The following KCTD16 variants were observed in gnomAD, a reference collection of about 807,000 sequenced individuals.
The protein encoded by KCTD16 is BTB/POZ domain-containing protein KCTD16.
Under a neutral mutation model 33.2 loss-of-function variants are expected in KCTD16, and 13 were observed. That is an observed-to-expected ratio of 0.39 (90% CI 0.25 to 0.62). The LOEUF is 0.62. Among genes scored for constraint, KCTD16 ranks in the 20% least tolerant of loss-of-function variants. The pLI is 0.50. For missense variants in KCTD16, 441 were observed against 525.1 expected, an observed-to-expected ratio of 0.84 and a Z score of 1.57; for synonymous variants, 197 against 195.3, an observed-to-expected ratio of 1.01 and a Z score of -0.07.
chr5:144,463,816 T>C (rs1469480422), intron 3 of KCTD16, among the ~76,000 whole-genome samples: 1 of 152,212 alleles, frequency 6.6e-6, no homozygotes, highest in Non-Finnish European at 1.5e-5. Context: ...TAGAACACAA[T>C]TGACATGTAG....
chr5:144,382,172 A>C (rs1311576985), intron 3 of KCTD16, among the ~76,000 whole-genome samples: 1 of 152,134 alleles, frequency 6.6e-6, no homozygotes, highest in African/African-American at 2.4e-5. Context: ...ACATATTCTC[A>C]CTTATACGTG....
chr5:144,223,287 T>A (rs1041187408), intron 3 of KCTD16, among the ~76,000 whole-genome samples: 1 of 152,140 alleles, frequency 6.6e-6, no homozygotes, highest in African/African-American at 2.4e-5. Flanking sequence ...GAACTTAAAG[T>A]ATAATAAAAA....
intron 3 of KCTD16, among the ~76,000 whole-genome samples, chr5:144,461,944 C>G (rs1027888297): frequency 6.6e-6 from 1 of 152,176 alleles, no homozygotes; most frequent in Non-Finnish European, 1.5e-5. Flanking sequence ...AGAACTTCCC[C>G]GCTCTCCAAA....
chr5:144,178,699 T>C (rs76671357), intron 2 of KCTD16, among the ~76,000 whole-genome samples: 1 of 152,234 alleles, frequency 6.6e-6, no homozygotes, highest in East Asian at 1.9e-4. Flanking sequence ...TTTGGAAAGA[T>C]TAACATCATT....
At chr5:144,387,508 G>GT (rs1752351062) in intron 3 of KCTD16, among the ~76,000 whole-genome samples, 1 of 152,236 alleles carries the variant, frequency 6.6e-6, no homozygotes, top group African/African-American at 2.4e-5. Context: ...ATTTTTCATT[G>GT]TAAGGAGTAA....
At chr5:144,175,547 T>C (rs6878569) in intron 2 of KCTD16, among the ~76,000 whole-genome samples, 9,434 of 152,292 alleles carry the variant, frequency 0.062, 846 homozygotes, top group African/African-American at 0.2. Context: ...GGGCAAATAA[T>C]ATTTAAACCT....
intron 3 of KCTD16, among the ~76,000 whole-genome samples, chr5:144,209,787 A>AATATAT (rs10628313): frequency 0.016 from 2,257 of 141,024 alleles, 48 homozygotes; most frequent in African/African-American, 0.052. Context: ...CTTAGGGGGA[A>AATATAT]ATATATATAT....
At chr5:144,223,630 G>T (rs1199167865) in intron 3 of KCTD16, among the ~76,000 whole-genome samples, 2 of 151,842 alleles carry the variant, frequency 1.3e-5, no homozygotes, top group African/African-American at 2.4e-5. Context: ...CTGGATGAAA[G>T]TGTGAAGTAC....
chr5:144,417,074 C>T (rs997163394), intron 3 of KCTD16, among the ~76,000 whole-genome samples: 12 of 152,136 alleles, frequency 7.9e-5, no homozygotes, highest in African/African-American at 2.9e-4. Flanking sequence ...AATAGCGCTG[C>T]TATCATCATG....
chr5:144,331,395 T>G (rs997657092), intron 3 of KCTD16, among the ~76,000 whole-genome samples: 15 of 152,218 alleles, frequency 9.9e-5, no homozygotes, highest in African/African-American at 3.6e-4. Flanking sequence ...GTCTTAGGTT[T>G]TATTAGCTCT....
At chr5:144,329,438 C>T (rs1370260216) in intron 3 of KCTD16, among the ~76,000 whole-genome samples, 1 of 152,042 alleles carries the variant, frequency 6.6e-6, no homozygotes, top group Non-Finnish European at 1.5e-5. Context: ...CCCACTAGAT[C>T]CCAACACCAT....
chr5:144,202,444 C>T (rs112984908), intron 2 of KCTD16, among the ~76,000 whole-genome samples: 35 of 152,208 alleles, frequency 2.3e-4, no homozygotes, highest in African/African-American at 8.4e-4. Context: ...TTAATCTCAC[C>T]TCTCATTCGT....
At chr5:144,299,148 ATTTT>A (rs369343270) in intron 3 of KCTD16, among the ~76,000 whole-genome samples, 353 of 13,980 alleles carry the variant, frequency 0.025, 10 homozygotes, top group Non-Finnish European at 0.026. Flanking sequence ...ATATATATAT[ATTTT>A]TTTTTTTTTT....
At chr5:144,184,580 C>A (rs960020211) in intron 2 of KCTD16, among the ~76,000 whole-genome samples, 2 of 152,188 alleles carry the variant, frequency 1.3e-5, no homozygotes, top group African/African-American at 4.8e-5. Context: ...TTTTGAGAAA[C>A]TGCCATACTG....
chr5:144,426,248 G>A (rs558515086), intron 3 of KCTD16, among the ~76,000 whole-genome samples: 2 of 152,088 alleles, frequency 1.3e-5, no homozygotes, highest in South Asian at 4.1e-4. Context: ...AACCAGGATG[G>A]CTTTTATTCC....
intron 3 of KCTD16, among the ~76,000 whole-genome samples, chr5:144,383,345 G>T (rs1014528883): frequency 4.6e-5 from 7 of 152,018 alleles, no homozygotes; most frequent in Non-Finnish European, 7.4e-5. Flanking sequence ...TTCACATTTT[G>T]TTGAGTTATT....
chr5:144,485,284 C>A lies in KCTD16; in HGVS notation c.*11170C>A, dbSNP rs914414015. 6.6e-6 allele frequency: 1 copy of A among 151,824 alleles called. No individual in the cohort carries two copies. Among genetic ancestry groups the A allele is most frequent in the Non-Finnish European group, 1.5e-5 (1 of 67,878 alleles). 9.4% of individuals were successfully genotyped at this position (151,824 alleles called of 1,614,324 possible). ...GGCAACCGCCTATAGATGGAACAGCCCTGAGCAACATATAAATATATACAT... is the reference window on the plus strand; with the variant it reads ...GGCAACCGCCTATAGATGGAACAGCACTGAGCAACATATAAATATATACAT... On this transcript the variant is annotated 3_prime_UTR_variant, in exon 4 of 4. Coordinates refer to ENST00000512467, the MANE Select transcript of KCTD16 (RefSeq NM_020768.4).
At chr5:144,260,278 C>T (rs11738736) in intron 3 of KCTD16, among the ~76,000 whole-genome samples, 32,625 of 152,036 alleles carry the variant, frequency 0.21, 3,965 homozygotes, top group Non-Finnish European at 0.28. Flanking sequence ...AATGAGCTGT[C>T]GTGTGCTCAT....
At chr5:144,311,935 A>G (rs1234750478) in intron 3 of KCTD16, among the ~76,000 whole-genome samples, 2 of 152,192 alleles carry the variant, frequency 1.3e-5, no homozygotes, top group Admixed American at 1.3e-4. Context: ...TCAAATCTTA[A>G]AAGGTGATTT....
Sources: allele counts gnomAD v4.1 joint callset (sites outside exome capture counted in the v4.1 genomes callset), GRCh38; gene constraint gnomAD v4.1.1; transcripts MANE v1.5; gene names NCBI Gene and HGNC (gene_info 2026-07-23, HGNC 2026-07-21).